HELZ: variants seen among roughly 807,000 people sequenced by gnomAD.
HELZ encodes helicase with zinc finger.
HELZ carries 23 observed loss-of-function variants against 218.2 expected under a neutral mutation model. The ratio of observed to expected loss-of-function variants is 0.11; its 90% CI spans 0.08 to 0.15. The LOEUF is 0.15. Among genes scored for constraint, HELZ ranks in the 10% least tolerant of loss-of-function variants. HELZ has a pLI of 1.00. For synonymous variants in HELZ, 814 were observed against 829.4 expected (o/e 0.98, Z 0.32); for missense variants, 1,813 against 2,353.7 (o/e 0.77, Z 4.75).
At position 67,075,515 on chromosome 17, in the gene HELZ, T is replaced by C. The variant is rs998770985; in HGVS notation, c.*2737A>G. On this transcript the variant is annotated 3_prime_UTR_variant, in exon 33 of 33. Transcript: ENST00000358691. ...ATGTTTCATAAATCTGATTTATGGG[T>C]ACTTGCTACTACTACTCAAGTAATA... is the stretch of plus-strand genomic sequence containing the variant. 2.0e-5 allele frequency: 3 copies of C among 152,208 alleles called. No homozygotes were observed. Among genetic ancestry groups the C allele is most frequent in the African/African-American group, 7.2e-5 (3 of 41,466 alleles). The allele number at this position is 152,208 out of a possible 1,614,324, so 9.4% of individuals were successfully genotyped here. A position where few individuals can be genotyped will look rare whatever the true frequency, so the allele number is the denominator to read the frequency against.
chr17:67,215,900 A>G lies in HELZ; in HGVS notation c.246T>C (p.His82=). The G allele has an allele frequency of 6.5e-7, 1 of 1,550,104 alleles. No individual in the cohort carries two copies. Among genetic ancestry groups the G allele is most frequent in the East Asian group, 2.2e-5 (1 of 44,540 alleles). The change falls in exon 5 of 33, where the codon CAT becomes CAC. Residue 82 remains histidine (H), a splice_region_variant and synonymous_variant. Coordinates refer to ENST00000358691, the MANE Select transcript of HELZ (RefSeq NM_014877.4). Reference sequence around the variant, plus strand: ...TTCGAGTCTCATTTTTAAACATACCATGTCTACAATCTTCATCAGCTTGCA... The same window carrying G: ...TTCGAGTCTCATTTTTAAACATACCGTGTCTACAATCTTCATCAGCTTGCA... ...NYVQADEDCR[H]VLGEGLAKGE...
At position 67,138,062 on chromosome 17, in the gene HELZ, G is replaced by A. The variant is rs752069712; in HGVS notation, c.2822C>T (p.Ala941Val). ...ACTGCCATCATCTAACTTCCCCCACGCTACTGGCCACTTCCTTCTTAACTC... is the reference window on the plus strand; with the variant it reads ...ACTGCCATCATCTAACTTCCCCCACACTACTGGCCACTTCCTTCTTAACTC... ...VEELRRKWPV[A>V]WGKLDDGSIG... The change falls in exon 22 of 33, where the codon GCG becomes GTG. Residue 941 changes from alanine (A) to valine (V), a missense_variant. Transcript: ENST00000358691. 2.9e-5 allele frequency: 46 copies of A among 1,613,392 alleles called. No individual in the cohort carries two copies. The highest frequency in any genetic ancestry group is 8.0e-5 in the African/African-American group (6 of 74,834).
At chr17:67,226,670 CTA>C (rs1340084058) in intron 3 of HELZ, among the ~76,000 whole-genome samples, 1 of 152,104 alleles carries the variant, frequency 6.6e-6, no homozygotes. Context: ...GAAATGAAAA[CTA>C]TGTTCACACA....
At chr17:67,244,882 G>C in intron 1 of HELZ, 3 of 985,780 alleles carry the variant, frequency 3.0e-6, no homozygotes, top group Middle Eastern at 5.2e-4. Flanking sequence ...CCCCTCTCCT[G>C]CCAGGGCCCA....
chr17:67,237,435 T>C (rs1433999751), intron 3 of HELZ, among the ~76,000 whole-genome samples: 1 of 152,222 alleles, frequency 6.6e-6, no homozygotes, highest in Non-Finnish European at 1.5e-5. Context: ...TTAAAGTCTC[T>C]GGGATTCTCA....
chr17:67,085,157 GC>G (rs2036329401), intron 32 of HELZ, among the ~76,000 whole-genome samples: 1 of 152,082 alleles, frequency 6.6e-6, no homozygotes, highest in African/African-American at 2.4e-5. Flanking sequence ...GGTGGCTCAT[GC>G]CTGTAATCCC....
chr17:67,184,385 C>A (rs2039694254), intron 12 of HELZ, among the ~76,000 whole-genome samples: 1 of 152,126 alleles, frequency 6.6e-6, no homozygotes, highest in Non-Finnish European at 1.5e-5. Context: ...TAAACTTATG[C>A]AAGAGAAATA....
intron 13 of HELZ, among the ~76,000 whole-genome samples, chr17:67,169,689 T>C (rs1409464530): frequency 6.7e-6 from 1 of 148,882 alleles, no homozygotes; most frequent in Non-Finnish European, 1.5e-5. Context: ...ATTCATTCCA[T>C]CCCAATAGCC....
chr17:67,160,735 T>G (rs1293376178), intron 16 of HELZ, among the ~76,000 whole-genome samples, 162 bp downstream of exon 16: 1 of 152,194 alleles, frequency 6.6e-6, no homozygotes, highest in Non-Finnish European at 1.5e-5. Context: ...GAATTCAAAT[T>G]TTTAGTGCTC....
intron 15 of HELZ, among the ~76,000 whole-genome samples, chr17:67,163,468 G>A (rs1158638150): frequency 2.0e-5 from 3 of 151,732 alleles, no homozygotes; most frequent in Admixed American, 6.6e-5. Context: ...GCGCGATCTC[G>A]GTTCACTGCA....
At chr17:67,185,614 C>A (rs1317254747) in intron 12 of HELZ, among the ~76,000 whole-genome samples, 1 of 152,076 alleles carries the variant, frequency 6.6e-6, no homozygotes, top group African/African-American at 2.4e-5. Flanking sequence ...TTTTCCTTTC[C>A]CCAACTTTCA....
intron 31 of HELZ, among the ~76,000 whole-genome samples, chr17:67,089,516 TA>T (rs955208261): frequency 1.3e-5 from 2 of 151,768 alleles, no homozygotes; most frequent in African/African-American, 2.4e-5. Context: ...TTGACAGAGA[TA>T]AACATGTAGA....
intron 15 of HELZ, among the ~76,000 whole-genome samples, chr17:67,162,096 A>C (rs2039009509): frequency 6.6e-6 from 1 of 152,130 alleles, no homozygotes; most frequent in South Asian, 2.1e-4. Context: ...TATTTTTGAA[A>C]AATCTTAACG....
At chr17:67,243,223 A>G in intron 2 of HELZ, among the ~76,000 whole-genome samples, 1 of 152,252 alleles carries the variant, frequency 6.6e-6, no homozygotes, top group East Asian at 1.9e-4. Context: ...ATTTCCTAAT[A>G]AGCTAAACAG....
intron 28 of HELZ, among the ~76,000 whole-genome samples, chr17:67,111,078 C>A (rs1013738771): frequency 6.6e-6 from 1 of 152,172 alleles, no homozygotes; most frequent in Non-Finnish European, 1.5e-5. Flanking sequence ...ATGGCAGATT[C>A]GGACAGCATG....
In HELZ at chr17:67,167,718, C is replaced by T. The variant is rs746125191; in HGVS notation, c.1509G>A (p.Gln503=). ...TAAAGCGACCAAAAAGTTGTCCATTCTGAGCATACTTTGCACCTCCAGAAA... is the reference window on the plus strand; with the variant it reads ...TAAAGCGACCAAAAAGTTGTCCATTTTGAGCATACTTTGCACCTCCAGAAA... The part of the protein sequence containing the change: ...TGVSGGAKYA[Q]NGQLFGRFKL... The change falls in exon 14 of 33, where the codon CAG becomes CAA. Residue 503 remains glutamine, a synonymous_variant. Coordinates refer to ENST00000358691, the MANE Select transcript of HELZ (RefSeq NM_014877.4). 4 of 1,614,022 alleles carry T rather than the reference C, an allele frequency of 2.5e-6. No individual in the cohort carries two copies. Among genetic ancestry groups the T allele is most frequent in the Non-Finnish European group, 2.5e-6 (3 of 1,180,026 alleles).
intron 31 of HELZ, among the ~76,000 whole-genome samples, chr17:67,089,696 G>GAGAGAGAGAGAAAGAGAGAGAGAC (rs34752223): frequency 8.2e-6 from 1 of 122,676 alleles, no homozygotes; most frequent in Non-Finnish European, 1.7e-5. Flanking sequence ...GAGAGAGAGA[G>GAGAGAGAGAGAAAGAGAGAGAGAC]AGAGACAGAG....
intron 8 of HELZ, among the ~76,000 whole-genome samples, chr17:67,195,029 CAG>C (rs1480867841): frequency 6.6e-6 from 1 of 152,146 alleles, no homozygotes; most frequent in Non-Finnish European, 1.5e-5. Flanking sequence ...GAGGAGATCA[CAG>C]AGTTTCATTA....
intron 4 of HELZ, 102 bp from the exon 5 acceptor site, chr17:67,216,037 T>G: frequency 1.4e-6 from 1 of 735,990 alleles, no homozygotes; most frequent in African/African-American, 1.8e-5. Context: ...GTTTAATCAT[T>G]AATGTTGTAA....
Sources: gnomAD v4.1 joint callset for allele counts (sites outside exome capture counted in the v4.1 genomes callset) on GRCh38, gnomAD v4.1.1 for gene constraint, MANE v1.5 for transcripts, NCBI Gene and HGNC (gene_info 2026-07-23, HGNC 2026-07-21) for gene names.